Variants in TPTE2 observed in about 807,000 individuals in gnomAD.
TPTE2 encodes the protein phosphatidylinositol 3,4,5-trisphosphate 3-phosphatase TPTE2.
TPTE2 carries 53 observed loss-of-function variants against 78.6 expected under a neutral mutation model. That is an observed-to-expected ratio of 0.67 (90% CI 0.54 to 0.85). TPTE2 has a LOEUF of 0.85. TPTE2 is among the 40% of genes least tolerant of loss of function. The probability of loss-of-function intolerance (pLI) is 0.00; values close to 1 mark genes in which losing one functional copy is unlikely to be tolerated. For missense variants in TPTE2, 461 were observed against 623.0 expected (o/e 0.74, Z 2.77); for synonymous variants, 175 against 206.2 (o/e 0.85, Z 1.30).
chr13:19,431,197 A>C (rs771546109), intron 16 of TPTE2, among the ~76,000 whole-genome samples: 4 of 152,006 alleles, frequency 2.6e-5, no homozygotes, highest in Non-Finnish European at 5.9e-5. Context: ...TCTTGCTAAT[A>C]TGTTGCTTTC....
At chr13:19,508,185 T>A (rs1037215151), upstream of TPTE2, among the ~76,000 whole-genome samples, 1 of 152,200 alleles carries the variant, frequency 6.6e-6, no homozygotes, top group Non-Finnish European at 1.5e-5. Context: ...TATTAATAAT[T>A]ATGTTGCAAG....
rs975972754 is a variant in TPTE2, at chr13:19,535,224, A to AAAAT, written c.-44+1371_-44+1372insATTT. 2.2e-5 allele frequency among the ~76,000 whole-genome samples: 3 copies of AAAAT among 134,150 alleles called. No homozygotes were observed. The highest frequency in any genetic ancestry group is 9.1e-5 in the African/African-American group (3 of 33,146). 88.0% of individuals were successfully genotyped at this position (134,150 alleles called of 152,430 possible). A position where few individuals can be genotyped will look rare whatever the true frequency, so the allele number is the denominator to read the frequency against. On this transcript the variant is annotated intron_variant, in intron 1 of 17. Transcript: ENST00000390680. This position sits in a 1 kb window ranked among gnomAD's most constrained non-coding sequence, Gnocchi z 5.1. ...TCTCAAAAAAACAAACAAACAAAAA[A>AAAAT]ATATATATATATATATATTCTTTAG...
intron 15 of TPTE2, among the ~76,000 whole-genome samples, chr13:19,435,443 G>T (rs562852719): frequency 3.3e-5 from 5 of 152,276 alleles, no homozygotes; most frequent in African/African-American, 1.2e-4. Context: ...GTTGAGGGGT[G>T]TGAGTGGAGT....
upstream of TPTE2, among the ~76,000 whole-genome samples, chr13:19,503,861 C>T (rs919148103): frequency 1.3e-5 from 2 of 152,170 alleles, no homozygotes; most frequent in Non-Finnish European, 2.9e-5. Flanking sequence ...CTGCCTCAGC[C>T]TCCTGAGTAC....
At chr13:19,554,086 T>C in the TPTE2 span, among the ~76,000 whole-genome samples, 6 of 152,082 alleles carry the variant, frequency 3.9e-5, no homozygotes, top group African/African-American at 1.4e-4. Flanking sequence ...TTAAAATAAA[T>C]GAGGATGGGC....
intron 1 of TPTE2, among the ~76,000 whole-genome samples, chr13:19,514,966 T>G (rs3002096): frequency 0.93 from 141,976 of 152,120 alleles, 66,557 homozygotes; most frequent in East Asian, 1. Flanking sequence ...TTAAGACACA[T>G]GCAAAATACA....
At position 19,462,937 on chromosome 13, in the gene TPTE2, TC is replaced by T. The variant is rs1164929991; in HGVS notation, c.741+1518del. Among the ~76,000 whole-genome samples the T allele has an allele frequency of 1.6e-4, 24 of 152,174 alleles. No homozygotes were observed. The East Asian group carries it at 4.6e-3, about 29-fold the overall frequency. On this transcript the variant is annotated intron_variant, in intron 10 of 19. Coordinates refer to ENST00000400230, the Ensembl canonical transcript of TPTE2. ...GAATCTATTTGAGAACCTTCGAGCT[TC>T]CTAGATTTTGGCCATATCTCTCCCA...
chr13:19,451,111 G>A (rs1462068021), intron 11 of TPTE2, 54 bp downstream of exon 14: 26 of 1,585,786 alleles, frequency 1.6e-5, no homozygotes, highest in Middle Eastern at 1.7e-4. Context: ...ATCTTCTTAC[G>A]TGCAGTAATC....
At chr13:19,556,856 T>C in the TPTE2 span, among the ~76,000 whole-genome samples, 1 of 152,230 alleles carries the variant, frequency 6.6e-6, no homozygotes, top group Admixed American at 6.5e-5. Context: ...TGCTCATCAC[T>C]TATACGCTGG....
intron 3 of TPTE2, among the ~76,000 whole-genome samples, chr13:19,487,590 T>G (rs959482443): frequency 1.3e-5 from 2 of 151,952 alleles, no homozygotes; most frequent in African/African-American, 2.4e-5. Flanking sequence ...AGTGTGGTGG[T>G]GGGGGTTGAT....
chr13:19,437,963 A>G, intron 14 of TPTE2, 129 bp downstream of exon 17: 2 of 1,345,606 alleles, frequency 1.5e-6, no homozygotes, highest in Non-Finnish European at 2.0e-6. Context: ...CTTTCTAAAA[A>G]CTGCTTCTCT....
intron 1 of TPTE2, among the ~76,000 whole-genome samples, chr13:19,534,354 C>T (rs1475219636): frequency 6.6e-6 from 1 of 152,124 alleles, no homozygotes; most frequent in Non-Finnish European, 1.5e-5. Context: ...CATCATAAGC[C>T]CCAGACCGTC....
At chr13:19,456,872 T>C (rs1188717378) in intron 10 of TPTE2, among the ~76,000 whole-genome samples, 1 of 152,142 alleles carries the variant, frequency 6.6e-6, no homozygotes, top group Non-Finnish European at 1.5e-5. Flanking sequence ...AGAGCCAAGA[T>C]AGTTTTTAAA....
At chr13:19,474,022 A>C in exon 6 of TPTE2, 1 of 1,609,502 alleles carries the variant, frequency 6.2e-7, no homozygotes, top group Non-Finnish European at 8.5e-7. Context: ...AGTGAAAATT[A>C]GGTCGGCAAG....
intron 13 of TPTE2, among the ~76,000 whole-genome samples, chr13:19,444,458 A>T (rs1027942963): frequency 6.6e-6 from 1 of 152,090 alleles, no homozygotes; most frequent in Admixed American, 6.6e-5. Context: ...AAAGGATATC[A>T]TTTAAATAGC....
the TPTE2 span, chr13:19,561,041 G>T: frequency 6.3e-7 from 1 of 1,575,140 alleles, no homozygotes. Flanking sequence ...CTTGGACAGG[G>T]AGCTGAGCAC....
At chr13:19,549,077 C>T in the TPTE2 span, among the ~76,000 whole-genome samples, 292 of 151,428 alleles carry the variant, frequency 1.9e-3, no homozygotes, top group African/African-American at 6.7e-3. Context: ...CTGAGATTGC[C>T]CCACTGTGCT....
At chr13:19,487,065 T>C (rs1329771073) in intron 3 of TPTE2, among the ~76,000 whole-genome samples, 2 of 152,166 alleles carry the variant, frequency 1.3e-5, no homozygotes, top group African/African-American at 4.8e-5. Context: ...GATACAGGAC[T>C]ATTTCTCAGG....
intron 11 of TPTE2, 53 bp from the exon 15 acceptor site, chr13:19,450,397 G>A (rs1481112987): frequency 6.7e-7 from 1 of 1,499,406 alleles, no homozygotes; most frequent in Admixed American, 1.8e-5. Flanking sequence ...CATGATAAAT[G>A]ATGAAGTTAT....
Sources: allele counts gnomAD v4.1 joint callset (sites outside exome capture counted in the v4.1 genomes callset), GRCh38; gene constraint gnomAD v4.1.1; non-coding constraint Gnocchi (gnomAD v3.1); transcripts MANE v1.5; gene names NCBI Gene and HGNC (gene_info 2026-07-23, HGNC 2026-07-21).